The following CELF4 variants were observed in gnomAD, a reference collection of about 807,000 sequenced individuals.
CELF4 encodes the protein CUG-BP- and ETR-3-like factor 4.
A neutral mutation model predicts 59.9 loss-of-function variants in CELF4; 18 were observed. The observed-to-expected ratio is 0.30, with a 90% CI of 0.21 to 0.45. The LOEUF is 0.45. Among genes scored for constraint, CELF4 ranks in the 20% least tolerant of loss-of-function variants. CELF4 has a pLI of 1.00. For synonymous variants in CELF4, 261 were observed against 267.1 expected (o/e 0.98, Z 0.22); for missense variants, 456 against 689.0 (o/e 0.66, Z 3.79).
Position 37,322,959 on chromosome 18 carries a change from G to A in CELF4, c.370-1078C>T, listed in dbSNP as rs1603468484. ...GTGGCAGGACATGGCTGGGAAGTGG[G>A]GCCTGTGGGGTGATTTCTGCATGTC... On this transcript the variant is annotated intron_variant, in intron 2 of 12. Coordinates refer to ENST00000420428, the MANE Select transcript of CELF4 (RefSeq NM_020180.4). Among the ~76,000 whole-genome samples, 7 of 152,274 alleles carry A rather than the reference G, an allele frequency of 4.6e-5. No individual in the cohort carries two copies. The South Asian group carries it at 1.2e-3, about 27-fold the overall frequency.
At chr18:37,525,752 G>A (rs547687861) in intron 1 of CELF4, among the ~76,000 whole-genome samples, 1 of 152,168 alleles carries the variant, frequency 6.6e-6, no homozygotes, top group South Asian at 2.1e-4. Flanking sequence ...CTGAAGGGAG[G>A]AAATGGTACT....
chr18:37,377,548 C>T (rs563365116), intron 2 of CELF4, among the ~76,000 whole-genome samples: 13 of 152,268 alleles, frequency 8.5e-5, no homozygotes, highest in South Asian at 2.1e-4. Context: ...GGGGTCGTTC[C>T]TGAGGCTTAG....
At chr18:37,276,983 T>C (rs894780972) in intron 3 of CELF4, among the ~76,000 whole-genome samples, 13 of 152,350 alleles carry the variant, frequency 8.5e-5, no homozygotes, top group African/African-American at 2.4e-4. Context: ...GGTTGGTACC[T>C]TCTTTCCCAG....
At chr18:37,446,590 A>G (rs2099748815) in intron 2 of CELF4, among the ~76,000 whole-genome samples, 1 of 152,192 alleles carries the variant, frequency 6.6e-6, no homozygotes, top group Non-Finnish European at 1.5e-5. Flanking sequence ...AGTCCATGTA[A>G]TGCACTGGAC....
chr18:37,377,271 C>T (rs1042847270), intron 2 of CELF4, among the ~76,000 whole-genome samples: 25 of 152,112 alleles, frequency 1.6e-4, no homozygotes, highest in Admixed American at 1.1e-3. Flanking sequence ...TGCCTGAGGA[C>T]GGCCTCCTGC....
At chr18:37,290,434 C>G (rs1390388414) in intron 3 of CELF4, among the ~76,000 whole-genome samples, 7 of 152,168 alleles carry the variant, frequency 4.6e-5, no homozygotes, top group Non-Finnish European at 1.0e-4. Flanking sequence ...ACAATGGATA[C>G]TCAAAGTAAA....
At position 37,253,372 on chromosome 18, in the gene CELF4, C is replaced by T. The variant is rs2154275486; in HGVS notation, c.*44+395G>A. ...GAGAGCCGGGGGTCTGGGAGCAGGC[C>T]CCGCGGGCGGCTGCAGCTCTTCTGG... On this transcript the variant is annotated intron_variant, in intron 12 of 12. Coordinates refer to ENST00000420428, the MANE Select transcript of CELF4 (RefSeq NM_020180.4). The surrounding 1 kb of genome is among the most constrained non-coding windows in gnomAD (Gnocchi z 4.5). Among the ~76,000 whole-genome samples, 1 of 152,310 alleles carries T rather than the reference C, an allele frequency of 6.6e-6. No individual in the cohort carries two copies. Among genetic ancestry groups the T allele is most frequent in the South Asian group, 2.1e-4 (1 of 4,832 alleles).
intron 2 of CELF4, among the ~76,000 whole-genome samples, chr18:37,449,356 G>A (rs1470790721): frequency 2.6e-5 from 4 of 152,150 alleles, no homozygotes; most frequent in East Asian, 3.9e-4. Context: ...AGGAAGAAGC[G>A]TGCAGCCCAG....
intron 1 of CELF4, among the ~76,000 whole-genome samples, chr18:37,563,276 G>A (rs1164693528): frequency 6.6e-6 from 1 of 152,052 alleles, no homozygotes; most frequent in Non-Finnish European, 1.5e-5. Context: ...CATTTGAAAT[G>A]AAGAAGCAAA....
At chr18:37,491,138 C>T (rs1307673665) in intron 1 of CELF4, among the ~76,000 whole-genome samples, 1 of 151,446 alleles carries the variant, frequency 6.6e-6, no homozygotes, top group Non-Finnish European at 1.5e-5. Context: ...CCGAGAGGGG[C>T]CCCATGCCCA....
intron 12 of CELF4, among the ~76,000 whole-genome samples, chr18:37,251,860 G>T (rs1457677111): frequency 1.3e-5 from 2 of 152,156 alleles, no homozygotes. Flanking sequence ...GCACAAGAAG[G>T]TGCCCAAACT....
chr18:37,555,597 C>T (rs1163492650), intron 1 of CELF4, among the ~76,000 whole-genome samples: 1 of 151,936 alleles, frequency 6.6e-6, no homozygotes, highest in Non-Finnish European at 1.5e-5. Context: ...CAGCCTCACC[C>T]ATCAACAGCG....
chr18:37,307,795 G>A (rs1296391750), intron 3 of CELF4, among the ~76,000 whole-genome samples: 1 of 152,174 alleles, frequency 6.6e-6, no homozygotes, highest in African/African-American at 2.4e-5. Flanking sequence ...AGAGACAGGA[G>A]TTAACTGACA....
intron 3 of CELF4, among the ~76,000 whole-genome samples, chr18:37,283,275 C>G (rs961046997): frequency 6.6e-6 from 1 of 152,018 alleles, no homozygotes; most frequent in African/African-American, 2.4e-5. Flanking sequence ...TGACACCCAC[C>G]AAGCCCCTGC....
chr18:37,270,647 G>C, intron 8 of CELF4, 121 bp downstream of exon 8: 1 of 1,223,930 alleles, frequency 8.2e-7, no homozygotes, highest in East Asian at 2.4e-5. Context: ...GATCACACTT[G>C]GGGTTTCATC....
In CELF4 at chr18:37,331,439, G is replaced by A. The variant is rs529243289; in HGVS notation, c.370-9558C>T. On this transcript the variant is annotated intron_variant, in intron 2 of 12. Coordinates refer to ENST00000420428, the MANE Select transcript of CELF4 (RefSeq NM_020180.4). Reference sequence around the variant, plus strand: ...TCAAAAGTAGCCCTCAAGGGGATGAGGGGAAGGTCGCTGAGAAGCTGCACA... The same window carrying A: ...TCAAAAGTAGCCCTCAAGGGGATGAAGGGAAGGTCGCTGAGAAGCTGCACA... Among the ~76,000 whole-genome samples, 51 of 152,264 alleles carry A rather than the reference G, an allele frequency of 3.3e-4. 1 individual carries two copies. The highest frequency in any genetic ancestry group is 1.3e-4 in the Admixed American group (2 of 15,298).
intron 2 of CELF4, among the ~76,000 whole-genome samples, chr18:37,428,146 A>G (rs902067884): frequency 2.6e-5 from 4 of 152,270 alleles, no homozygotes; most frequent in Non-Finnish European, 5.9e-5. Context: ...TTCAAAAATA[A>G]TGAATAAGGG....
In CELF4 at chr18:37,276,435, G is replaced by C. The variant is rs1478197629; in HGVS notation, c.449-1192C>G. The C allele has an allele frequency of 2.0e-5, 3 of 152,230 alleles. No individual in the cohort carries two copies. In the East Asian group the frequency reaches 5.8e-4, roughly 29 times the overall value. The allele number at this position is 152,230 out of a possible 1,614,324, so 9.4% of individuals were successfully genotyped here. On this transcript the variant is annotated intron_variant, in intron 3 of 12. Coordinates refer to ENST00000420428, the MANE Select transcript of CELF4 (RefSeq NM_020180.4). ...ACTTCTGAGGTTGGGTCATAAAAGA[G>C]ATCAGCTTCCACTTGCCTCTGTTTT...
intron 2 of CELF4, among the ~76,000 whole-genome samples, chr18:37,482,628 T>C (rs374430755): frequency 6.6e-6 from 1 of 152,192 alleles, no homozygotes; most frequent in South Asian, 2.1e-4. Flanking sequence ...GAGCTTCCAC[T>C]GATCCCAAGA....
Sources: allele counts gnomAD v4.1 joint callset (sites outside exome capture counted in the v4.1 genomes callset), GRCh38; gene constraint gnomAD v4.1.1; non-coding constraint Gnocchi (gnomAD v3.1); transcripts MANE v1.5; gene names NCBI Gene and HGNC (gene_info 2026-07-23, HGNC 2026-07-21).